AGAP1: variants seen among roughly 807,000 people sequenced by gnomAD.
AGAP1 encodes the protein arf-GAP with GTPase, ANK repeat and PH domain-containing protein 1.
AGAP1 carries 29 observed loss-of-function variants against 105.3 expected under a neutral mutation model. The ratio of observed to expected loss-of-function variants is 0.28; its 90% CI spans 0.21 to 0.38. The LOEUF (loss-of-function observed/expected upper bound fraction) is 0.38, where lower values mean the gene tolerates loss of function less well. AGAP1 is among the 10% of genes least tolerant of loss of function. The pLI, the probability that AGAP1 is intolerant of heterozygous loss-of-function variation, is 1.00. For missense variants in AGAP1, 998 were observed against 1,165.1 expected (o/e 0.86, Z 2.09); for synonymous variants, 509 against 485.9 (o/e 1.05, Z -0.63).
chr2:235,653,677 A>G (rs890402505), intron 1 of AGAP1, among the ~76,000 whole-genome samples: 1 of 152,120 alleles, frequency 6.6e-6, no homozygotes, highest in Non-Finnish European at 1.5e-5. Context: ...TTAAAAAACA[A>G]TGTATGTTTC....
At chr2:235,521,795 T>C (rs1159342074) in intron 1 of AGAP1, among the ~76,000 whole-genome samples, 2 of 150,454 alleles carry the variant, frequency 1.3e-5, no homozygotes, top group African/African-American at 2.4e-5. Context: ...TATTGAAAAA[T>C]AGTGCTGTAT....
Position 235,726,514 on chromosome 2 carries a change from G to A in AGAP1, c.310+8870G>A, listed in dbSNP as rs765906677. 6.1e-4 allele frequency among the ~76,000 whole-genome samples: 93 copies of A among 152,238 alleles called. 1 individual carries two copies. The Middle Eastern group carries it at 0.027, about 45-fold the overall frequency. ...GTGGGTGCATTTACCTGTTTATTGC[G>A]GATTAACAGAGCCATTGAATCTATC... On this transcript the variant is annotated intron_variant, in intron 3 of 17. Transcript: ENST00000304032.
intron 9 of AGAP1, among the ~76,000 whole-genome samples, chr2:235,827,437 T>G (rs553648618): frequency 1.3e-5 from 2 of 152,166 alleles, no homozygotes; most frequent in African/African-American, 4.8e-5. Flanking sequence ...TACTTGATAT[T>G]TCTCCTGGTA....
chr2:235,539,618 A>G (rs1943367807), intron 1 of AGAP1, among the ~76,000 whole-genome samples: 1 of 152,222 alleles, frequency 6.6e-6, no homozygotes, highest in Non-Finnish European at 1.5e-5. Flanking sequence ...GAGGTGGTGC[A>G]GGTGGCTGCA....
rs544577112 is a variant in AGAP1, at chr2:235,976,474, C to G, written c.1645+7851C>G. 6.6e-6 allele frequency among the ~76,000 whole-genome samples: 1 copy of G among 152,184 alleles called. No homozygotes were observed. Among genetic ancestry groups the G allele is most frequent in the Admixed American group, 6.5e-5 (1 of 15,278 alleles). ...TCGATCACAGCAGGGGCAGCCAGAA[C>G]GGAAGATTCCCATCGTGATGAACCG... On this transcript the variant is annotated intron_variant, in intron 13 of 17. Transcript: ENST00000304032. This position sits in a 1 kb window ranked among gnomAD's most constrained non-coding sequence, Gnocchi z 4.5.
rs554814997 is a variant in AGAP1 at position 236,055,281 on chromosome 2, G to A, written c.2114+6000G>A. Among the ~76,000 whole-genome samples the A allele has an allele frequency of 4.6e-5, 7 of 152,228 alleles. No individual in the cohort carries two copies. The highest frequency in any genetic ancestry group is 1.3e-4 in the Admixed American group (2 of 15,290). ...CAAGGACAGTTTAACTTTCTTCTTC[G>A]CCGTGCAGACCCCCCTACATGTACA... is the stretch of plus-strand genomic sequence containing the variant. On this transcript the variant is annotated intron_variant, in intron 16 of 17. Transcript: ENST00000304032. The surrounding 1 kb of genome is among the most constrained non-coding windows in gnomAD (Gnocchi z 6.2).
At chr2:235,547,052 A>G (rs1943647700) in intron 1 of AGAP1, among the ~76,000 whole-genome samples, 1 of 152,062 alleles carries the variant, frequency 6.6e-6, no homozygotes, top group Non-Finnish European at 1.5e-5. Flanking sequence ...GGAGCCTTTG[A>G]CTGTTGAACA....
chr2:236,102,448 T>C lies in AGAP1; in HGVS notation c.2115-17744T>C, dbSNP rs933362888. Among the ~76,000 whole-genome samples, 10 of 116,346 alleles carry C rather than the reference T, an allele frequency of 8.6e-5. No individual in the cohort carries two copies. The East Asian group carries it at 9.8e-4, about 11-fold the overall frequency. 76.3% of individuals were successfully genotyped at this position (116,346 alleles called of 152,430 possible). A position where few individuals can be genotyped will look rare whatever the true frequency, so the allele number is the denominator to read the frequency against. ...AAAAAAAAAAAAAAAGTTAGCTGGG[T>C]GTGGTGGCTCATGCCTGTAATCCCA... is the stretch of plus-strand genomic sequence containing the variant. On this transcript the variant is annotated intron_variant, in intron 16 of 17. Coordinates refer to ENST00000304032, the MANE Select transcript of AGAP1 (RefSeq NM_001037131.3).
At chr2:235,562,813 T>C (rs1410683272) in intron 1 of AGAP1, among the ~76,000 whole-genome samples, 1 of 152,064 alleles carries the variant, frequency 6.6e-6, no homozygotes, top group Non-Finnish European at 1.5e-5. Context: ...TCTCAGAATT[T>C]TGGGAGACTG....
chr2:235,976,740 C>T lies in AGAP1; in HGVS notation c.1645+8117C>T, dbSNP rs867853799. Among the ~76,000 whole-genome samples, 2 of 152,148 alleles carry T rather than the reference C, an allele frequency of 1.3e-5. No homozygotes were observed. Among genetic ancestry groups the T allele is most frequent in the Non-Finnish European group, 2.9e-5 (2 of 68,038 alleles). ...CGGGGAACTTGGTTATGCAGGAGCA[C>T]AGGGCACCCCCAGCTGCCTGGAGGA... On this transcript the variant is annotated intron_variant, in intron 13 of 17. Coordinates refer to ENST00000304032, the MANE Select transcript of AGAP1 (RefSeq NM_001037131.3). This position sits in a 1 kb window ranked among gnomAD's most constrained non-coding sequence, Gnocchi z 4.5.
At chr2:235,826,883 G>A (rs1160073104) in intron 9 of AGAP1, among the ~76,000 whole-genome samples, 1 of 152,158 alleles carries the variant, frequency 6.6e-6, no homozygotes, top group African/African-American at 2.4e-5. Context: ...TGGCCAAACA[G>A]CCTCCAAAGC....
intron 8 of AGAP1, among the ~76,000 whole-genome samples, chr2:235,806,497 G>A (rs948195256): frequency 2.6e-5 from 4 of 152,102 alleles, no homozygotes; most frequent in African/African-American, 9.7e-5. Flanking sequence ...GCTTCCCTGG[G>A]TTAAAGGTCA....
intron 1 of AGAP1, among the ~76,000 whole-genome samples, chr2:235,686,698 G>A (rs1416730626): frequency 1.2e-4 from 16 of 129,368 alleles, no homozygotes; most frequent in African/African-American, 4.4e-4. Context: ...GTCTTGCTCT[G>A]AAGCCCAGGA....
At position 235,764,760 on chromosome 2, in the gene AGAP1, T is replaced by C. The variant is rs1359854875; in HGVS notation, c.673+14272T>C. Among the ~76,000 whole-genome samples, 18 of 74,792 alleles carry C rather than the reference T, an allele frequency of 2.4e-4. 1 individual carries two copies. Among genetic ancestry groups the C allele is most frequent in the African/African-American group, 9.7e-4 (17 of 17,462 alleles). The allele number at this position is 74,792 out of a possible 152,430, so 49.1% of individuals were successfully genotyped here. On this transcript the variant is annotated intron_variant, in intron 6 of 17. Transcript: ENST00000304032. ...TGGGAGCGCCCGTGGGGTGGGGGCA[T>C]CTGGGAGCGCCCGTGGGGTTGGGGG...
At position 236,035,789 on chromosome 2, in the gene AGAP1, G is replaced by A. The variant is rs925944177; in HGVS notation, c.1646-772G>A. Among the ~76,000 whole-genome samples, 2 of 152,160 alleles carry A rather than the reference G, an allele frequency of 1.3e-5. No homozygotes were observed. The highest frequency in any genetic ancestry group is 2.9e-5 in the Non-Finnish European group (2 of 68,028). On this transcript the variant is annotated intron_variant, in intron 13 of 17. Coordinates refer to ENST00000304032, the MANE Select transcript of AGAP1 (RefSeq NM_001037131.3). The surrounding 1 kb of genome is among the most constrained non-coding windows in gnomAD (Gnocchi z 4.2). Reference sequence around the variant, plus strand: ...TGGACCAGGTCCCAAGTCCGCATGGGTCTGTACACTTCATGGAACTAGCAG... The same window carrying A: ...TGGACCAGGTCCCAAGTCCGCATGGATCTGTACACTTCATGGAACTAGCAG...
chr2:235,780,235 G>C (rs1559478238), intron 6 of AGAP1, among the ~76,000 whole-genome samples: 1 of 152,126 alleles, frequency 6.6e-6, no homozygotes, highest in Non-Finnish European at 1.5e-5. Flanking sequence ...TAAAAAATAA[G>C]TTGAGGAATT....
chr2:236,036,589 T>C lies in AGAP1; in HGVS notation c.1674T>C (p.Ile558=), dbSNP rs532595402. The change falls in exon 14 of 18, where the codon ATT becomes ATC. Residue 558 remains isoleucine, a synonymous_variant. Transcript: ENST00000304032. This position sits in a 1 kb window ranked among gnomAD's most constrained non-coding sequence, Gnocchi z 5.7. ...AAGAAGAAAATTTTGAGTTTATCAT[T>C]GTGTCCCTCACTGGCCAAACATGGC... ...EEQEENFEFI[I]VSLTGQTWHF... 3.7e-6 allele frequency: 6 copies of C among 1,614,070 alleles called. No individual in the cohort carries two copies. The highest frequency in any genetic ancestry group is 5.1e-6 in the Non-Finnish European group (6 of 1,180,036).
intron 6 of AGAP1, among the ~76,000 whole-genome samples, chr2:235,760,564 G>GT (rs1954354928): frequency 1.3e-5 from 2 of 152,118 alleles, no homozygotes; most frequent in Admixed American, 1.3e-4. Flanking sequence ...CTTGTTTCTT[G>GT]TTTAGAGTTG....
chr2:235,974,892 CT>C (rs2054794456), intron 13 of AGAP1, among the ~76,000 whole-genome samples: 1 of 152,202 alleles, frequency 6.6e-6, no homozygotes, highest in Non-Finnish European at 1.5e-5. Context: ...CGGTTCCTCT[CT>C]CTCTCCAAGG....
Sources: allele counts gnomAD v4.1 joint callset (sites outside exome capture counted in the v4.1 genomes callset), GRCh38; gene constraint gnomAD v4.1.1; non-coding constraint Gnocchi (gnomAD v3.1); transcripts MANE v1.5; gene names NCBI Gene and HGNC (gene_info 2026-07-23, HGNC 2026-07-21).